ERCC5: variants seen among roughly 807,000 people sequenced by gnomAD.
ERCC5 encodes DNA excision repair protein ERCC-5.
ERCC5 carries 68 observed loss-of-function variants against 105.6 expected under a neutral mutation model. The ratio of observed to expected loss-of-function variants is 0.64; its 90% CI spans 0.53 to 0.79. The LOEUF is 0.79. ERCC5 is among the 30% of genes least tolerant of loss of function. ERCC5 has a pLI of 0.00. For synonymous variants in ERCC5, 546 were observed against 526.2 expected (o/e 1.04, Z -0.51); for missense variants, 1,373 against 1,426.7 (o/e 0.96, Z 0.61).
Position 102,856,094 on chromosome 13 carries a change from T to C in ERCC5, c.510T>C (p.Asn170=), listed in dbSNP as rs142884592. The stretch of plus-strand genomic sequence containing the variant: ...AAAAAGAATGGCAAGAAAGAATGAA[T>C]CAAAAACAAGCATTACAGGTATTTA... ...EDEKEWQERM[N]QKQALQEEFF... The change falls in exon 5 of 15, where the codon AAT becomes AAC. Residue 170 remains asparagine, a synonymous_variant. Coordinates refer to ENST00000652225, the MANE Select transcript of ERCC5 (RefSeq NM_000123.4). 223 of 1,613,554 alleles carry C rather than the reference T, an allele frequency of 1.4e-4. No homozygotes were observed. The highest frequency in any genetic ancestry group is 3.2e-4 in the Admixed American group (19 of 60,004).
intron 2 of ERCC5, among the ~76,000 whole-genome samples, chr13:102,853,239 C>T (rs897815833): frequency 6.6e-6 from 1 of 152,114 alleles, no homozygotes; most frequent in Non-Finnish European, 1.5e-5. Context: ...TTATTTTTAT[C>T]CGATATTCAG....
intron 11 of ERCC5, 152 bp from the exon 12 acceptor site, chr13:102,867,961 T>A: frequency 1.2e-6 from 1 of 818,042 alleles, no homozygotes; most frequent in Non-Finnish European, 1.9e-6. Flanking sequence ...AGAATGCCAT[T>A]GAATAAAATA....
At chr13:102,868,362 A>G (rs1882919908) in intron 12 of ERCC5, 105 bp downstream of exon 12, 4 of 1,432,216 alleles carry the variant, frequency 2.8e-6, no homozygotes, top group South Asian at 1.2e-5. Context: ...CATGTGAACA[A>G]TGGTTCACTG....
At chr13:102,868,001 G>A (rs1882901474) in intron 11 of ERCC5, 112 bp from the exon 12 acceptor site, 1 of 959,940 alleles carries the variant, frequency 1.0e-6, no homozygotes, top group African/African-American at 1.7e-5. Flanking sequence ...GATATTTTTG[G>A]TGGTTGGATA....
chr13:102,871,292 C>T (rs972643003), intron 12 of ERCC5, among the ~76,000 whole-genome samples: 5 of 152,128 alleles, frequency 3.3e-5, no homozygotes, highest in Admixed American at 6.5e-5. Context: ...CAGCCATGGC[C>T]GCCCTGCTCA....
At chr13:102,868,781 G>A (rs548563508) in intron 12 of ERCC5, among the ~76,000 whole-genome samples, 3 of 152,346 alleles carry the variant, frequency 2.0e-5, no homozygotes, top group East Asian at 1.9e-4. Context: ...ATCCCGTGAC[G>A]TGTTCAGTGG....
In ERCC5 at chr13:102,862,243, A is replaced by G. The variant is rs201200441; in HGVS notation, c.1094A>G (p.Asn365Ser). ...TCAGAAGAGGAGCTGGAGAGTGAAA[A>G]TCGAAGGCAGGCCCGTGGGAGGAAC... ...SSSEEELESE[N>S]RRQARGRNAP... Residue 365 changes from asparagine (N) to serine (S), a missense_variant, in exon 8 of 15, where the codon AAT becomes AGT. By Grantham distance (46) the Asn-to-Ser change is conservative. This residue lies in a region of ERCC5 where 1,004 missense variants were observed against 1,059.7 expected (regional missense o/e 0.95). Transcript: ENST00000652225. 5.3e-5 allele frequency: 86 copies of G among 1,613,986 alleles called. No individual in the cohort carries two copies. The highest frequency in any genetic ancestry group is 6.0e-5 in the Non-Finnish European group (71 of 1,180,048).
At chr13:102,859,615 T>A (rs1210013860) in intron 6 of ERCC5, among the ~76,000 whole-genome samples, 1 of 152,232 alleles carries the variant, frequency 6.6e-6, no homozygotes, top group African/African-American at 2.4e-5. Flanking sequence ...CAGTCCCTAA[T>A]GATTTACTGT....
At chr13:102,859,505 C>T (rs1158880548) in intron 6 of ERCC5, among the ~76,000 whole-genome samples, 1 of 152,184 alleles carries the variant, frequency 6.6e-6, no homozygotes, top group African/African-American at 2.4e-5. Context: ...GTCTATCAGG[C>T]ATTTTATTTC....
Position 102,865,271 on chromosome 13 carries a change from C to A in ERCC5, c.1955-396C>A. 1 of 241,740 alleles carries A rather than the reference C, an allele frequency of 4.1e-6. No homozygotes were observed. 15.0% of individuals were successfully genotyped at this position (241,740 alleles called of 1,614,324 possible). A position where few individuals can be genotyped will look rare whatever the true frequency, so the allele number is the denominator to read the frequency against. Reference sequence around the variant, plus strand: ...AAGAGGAAGAACTATTTCTTAGTCACAGCTTTATTCTGTGCTGTGTAAATA... The same window carrying A: ...AAGAGGAAGAACTATTTCTTAGTCAAAGCTTTATTCTGTGCTGTGTAAATA... On this transcript the variant is annotated intron_variant, in intron 8 of 14. Transcript: ENST00000652225. The surrounding 1 kb of genome is among the most constrained non-coding windows in gnomAD (Gnocchi z 4.0).
rs191432517 is a variant in ERCC5 at position 102,875,141 on chromosome 13, C to T, written c.2965-166C>T. ...GGTATGATTTAGAAAGTGAAAATTA[C>T]TGTCAGTAATTCACTGGGAGAGAAC... On this transcript the variant is annotated intron_variant, in intron 14 of 14. Coordinates refer to ENST00000652225, the MANE Select transcript of ERCC5 (RefSeq NM_000123.4). 4.5e-4 allele frequency among the ~76,000 whole-genome samples: 69 copies of T among 152,302 alleles called. 1 individual carries two copies. The highest frequency in any genetic ancestry group is 3.4e-3 in the Middle Eastern group (1 of 294).
intron 4 of ERCC5, 71 bp from the exon 5 acceptor site, chr13:102,855,981 C>G (rs1882401095): frequency 9.5e-6 from 14 of 1,473,852 alleles, no homozygotes; most frequent in Non-Finnish European, 1.3e-5. Flanking sequence ...CGAGCAGAGC[C>G]TTGCATACAA....
chr13:102,851,845 A>G (rs1170150025), intron 1 of ERCC5, among the ~76,000 whole-genome samples: 2 of 143,182 alleles, frequency 1.4e-5, no homozygotes, highest in African/African-American at 2.6e-5. Flanking sequence ...ATTTTTTTTT[A>G]AAGAAGCAAT....
At chr13:102,848,518 A>AT (rs2140513776) in intron 1 of ERCC5, among the ~76,000 whole-genome samples, 1 of 152,346 alleles carries the variant, frequency 6.6e-6, no homozygotes. Context: ...TTAGCAAGAT[A>AT]TTACCATCTC....
At chr13:102,872,720 T>C (rs1883076385) in intron 13 of ERCC5, among the ~76,000 whole-genome samples, 2 of 152,200 alleles carry the variant, frequency 1.3e-5, no homozygotes, top group Admixed American at 1.3e-4. Flanking sequence ...CCACTGCATC[T>C]GGCCCCTCTC....
Position 102,862,641 on chromosome 13 carries a change from A to G in ERCC5, c.1492A>G (p.Lys498Glu). The G allele has an allele frequency of 6.2e-7, 1 of 1,614,174 alleles. No homozygotes were observed. The highest frequency in any genetic ancestry group is 8.5e-7 in the Non-Finnish European group (1 of 1,180,022). Residue 498 changes from lysine to glutamate, a missense_variant, in exon 8 of 15, where the codon AAA becomes GAA. Lys to Glu is a moderately conservative substitution (Grantham distance 56). This residue lies in a region of ERCC5 where 1,004 missense variants were observed against 1,059.7 expected (regional missense o/e 0.95). Coordinates refer to ENST00000652225, the MANE Select transcript of ERCC5 (RefSeq NM_000123.4). ...TGATGAGTCTATGATTAAGGACAGA[A>G]AAGATCGGCTGCCTCTGGAGAGTGC... ...ISDESMIKDR[K>E]DRLPLESAVV...
intron 1 of ERCC5, among the ~76,000 whole-genome samples, chr13:102,851,699 GA>G (rs1237388482): frequency 2.6e-5 from 4 of 152,160 alleles, no homozygotes; most frequent in African/African-American, 9.7e-5. Flanking sequence ...ATATATCCAT[GA>G]TGATTTTCTG....
At chr13:102,870,301 A>G (rs947142979) in intron 12 of ERCC5, among the ~76,000 whole-genome samples, 5 of 152,136 alleles carry the variant, frequency 3.3e-5, no homozygotes, top group African/African-American at 9.7e-5. Context: ...CTGTTGGGGG[A>G]AAAAGGAGAG....
chr13:102,871,989 A>G (rs1883048950), intron 12 of ERCC5, among the ~76,000 whole-genome samples: 1 of 152,348 alleles, frequency 6.6e-6, no homozygotes, highest in African/African-American at 2.4e-5. Context: ...AATATTTAAC[A>G]CAGTGCCAAG....
Sources: gnomAD v4.1 joint callset for allele counts (sites outside exome capture counted in the v4.1 genomes callset) on GRCh38, gnomAD v4.1.1 for gene constraint, gnomAD v4.1.1 regional missense constraint, Gnocchi (gnomAD v3.1) non-coding constraint, MANE v1.5 for transcripts, NCBI Gene and HGNC (gene_info 2026-07-23, HGNC 2026-07-21) for gene names.